CNTNAP2: variants seen among roughly 807,000 people sequenced by gnomAD.
The protein encoded by CNTNAP2 is contactin associated protein 2.
In CNTNAP2, 98 loss-of-function variants were observed where a neutral mutation model predicts 155.2. The ratio of observed to expected loss-of-function variants is 0.63; its 90% CI spans 0.54 to 0.75. The LOEUF (loss-of-function observed/expected upper bound fraction) is 0.75. CNTNAP2 is among the 30% of genes least tolerant of loss of function. The pLI is 0.00. For missense variants in CNTNAP2, 1,727 were observed against 1,688.1 expected (o/e 1.02, Z -0.40); for synonymous variants, 651 against 631.2 (o/e 1.03, Z -0.47).
At chr7:146,618,188 G>A (rs1295099653) in intron 1 of CNTNAP2, among the ~76,000 whole-genome samples, 2 of 152,130 alleles carry the variant, frequency 1.3e-5, no homozygotes, top group African/African-American at 4.8e-5. Flanking sequence ...CAGCTCAGAA[G>A]GCGAATCACC....
chr7:146,553,099 A>G (rs1006851493), intron 1 of CNTNAP2, among the ~76,000 whole-genome samples: 4 of 152,144 alleles, frequency 2.6e-5, no homozygotes, highest in African/African-American at 9.7e-5. Context: ...CATGTATTTT[A>G]GTCTCTTCTG....
At chr7:146,986,617 G>A (rs1046311303) in intron 3 of CNTNAP2, among the ~76,000 whole-genome samples, 4 of 152,030 alleles carry the variant, frequency 2.6e-5, no homozygotes, top group Admixed American at 1.3e-4. Context: ...TTACATTCCC[G>A]CTAGCAGTGT....
At chr7:147,100,841 C>T (rs143456719) in intron 4 of CNTNAP2, among the ~76,000 whole-genome samples, 16 of 152,296 alleles carry the variant, frequency 1.1e-4, no homozygotes, top group Non-Finnish European at 1.9e-4. Context: ...AATCCAAAGC[C>T]TGTATCCTAG....
At chr7:146,390,950 C>T (rs1275647923) in intron 1 of CNTNAP2, among the ~76,000 whole-genome samples, 2 of 149,238 alleles carry the variant, frequency 1.3e-5, no homozygotes, top group East Asian at 3.9e-4. Flanking sequence ...GCCTGTAGTC[C>T]CAGCTACTCA....
intron 1 of CNTNAP2, among the ~76,000 whole-genome samples, chr7:146,432,110 C>A (rs1796181603): frequency 6.6e-6 from 1 of 151,958 alleles, no homozygotes; most frequent in Non-Finnish European, 1.5e-5. Flanking sequence ...TGAGCAAAAC[C>A]AACTAATTTC....
chr7:147,582,543 A>G (rs1199795722), intron 12 of CNTNAP2, among the ~76,000 whole-genome samples: 1 of 152,206 alleles, frequency 6.6e-6, no homozygotes, highest in Non-Finnish European at 1.5e-5. Flanking sequence ...AATACTTTCT[A>G]TCTACAAAAC....
At chr7:147,057,882 G>A (rs1799592336) in intron 4 of CNTNAP2, among the ~76,000 whole-genome samples, 1 of 152,018 alleles carries the variant, frequency 6.6e-6, no homozygotes, top group African/African-American at 2.4e-5. Flanking sequence ...ATATTGATAA[G>A]GACAATATTT....
chr7:147,325,945 CAG>C (rs1196107437), intron 9 of CNTNAP2, among the ~76,000 whole-genome samples: 6 of 151,964 alleles, frequency 3.9e-5, no homozygotes, highest in African/African-American at 1.4e-4. Flanking sequence ...TTTTTTGAGA[CAG>C]AGTCTTGCTC....
chr7:148,247,361 C>A (rs1023044011), intron 20 of CNTNAP2, among the ~76,000 whole-genome samples: 3 of 152,056 alleles, frequency 2.0e-5, no homozygotes, highest in African/African-American at 7.2e-5. Flanking sequence ...TTAAAATCAG[C>A]CCTCGACCCT....
At chr7:148,252,562 G>A (rs1005706442) in intron 20 of CNTNAP2, among the ~76,000 whole-genome samples, 1 of 152,188 alleles carries the variant, frequency 6.6e-6, no homozygotes, top group Non-Finnish European at 1.5e-5. Context: ...TCACTGAGCA[G>A]TAGCCTCTAT....
At chr7:147,028,973 T>TC (rs1798974656) in intron 3 of CNTNAP2, among the ~76,000 whole-genome samples, 1 of 144,932 alleles carries the variant, frequency 6.9e-6, no homozygotes, top group African/African-American at 2.6e-5. Flanking sequence ...TTTTTTTTTT[T>TC]TTTTTTTTGA....
At chr7:147,119,733 A>AAGGG (rs1801064203) in intron 5 of CNTNAP2, among the ~76,000 whole-genome samples, 1 of 152,026 alleles carries the variant, frequency 6.6e-6, no homozygotes, top group South Asian at 2.1e-4. Flanking sequence ...GGAAGGAAGG[A>AAGGG]GGGAGTGTGG....
At chr7:147,452,809 G>T (rs1157969749) in intron 10 of CNTNAP2, among the ~76,000 whole-genome samples, 3 of 152,054 alleles carry the variant, frequency 2.0e-5, no homozygotes, top group Non-Finnish European at 2.9e-5. Flanking sequence ...TTACAGAATG[G>T]AGATAGAAGG....
chr7:147,924,144 T>TTTTC (rs552337259), intron 14 of CNTNAP2, among the ~76,000 whole-genome samples: 7 of 14,994 alleles, frequency 4.7e-4, no homozygotes, highest in East Asian at 3.0e-3. Context: ...TTTTCTTTTC[T>TTTTC]TTTTTTTTTT....
chr7:147,235,503 T>C (rs1018205118), intron 8 of CNTNAP2, among the ~76,000 whole-genome samples: 6 of 152,116 alleles, frequency 3.9e-5, no homozygotes, highest in Non-Finnish European at 1.5e-5. Context: ...TGGCAATTAG[T>C]ATTTTTGTGG....
At chr7:146,453,583 A>T (rs560490034) in intron 1 of CNTNAP2, among the ~76,000 whole-genome samples, 14 of 151,904 alleles carry the variant, frequency 9.2e-5, no homozygotes, top group Non-Finnish European at 1.6e-4. Context: ...GAATGAGGAG[A>T]AAAAAATCCA....
chr7:148,332,047 C>T (rs1200311887), intron 21 of CNTNAP2, among the ~76,000 whole-genome samples: 1 of 151,950 alleles, frequency 6.6e-6, no homozygotes, highest in African/African-American at 2.4e-5. Context: ...TCATGAGGTG[C>T]TGGAGGAGCT....
At chr7:148,307,270 TG>T (rs1432031006) in intron 21 of CNTNAP2, among the ~76,000 whole-genome samples, 1 of 152,112 alleles carries the variant, frequency 6.6e-6, no homozygotes, top group Non-Finnish European at 1.5e-5. Context: ...GACAGATGCC[TG>T]GGGTAGGGAT....
At chr7:146,457,679 A>G (rs1244143062) in intron 1 of CNTNAP2, among the ~76,000 whole-genome samples, 1 of 149,992 alleles carries the variant, frequency 6.7e-6, no homozygotes. Context: ...AATTTTTTTT[A>G]TTTTTAGTAG....
Sources: allele counts gnomAD v4.1 joint callset (sites outside exome capture counted in the v4.1 genomes callset), GRCh38; gene constraint gnomAD v4.1.1; transcripts MANE v1.5; gene names NCBI Gene and HGNC (gene_info 2026-07-23, HGNC 2026-07-21).